PLD3: variants seen among roughly 807,000 people sequenced by gnomAD.
PLD3 encodes the protein 5'-3' exonuclease PLD3.
PLD3 carries 31 observed loss-of-function variants against 58.4 expected under a neutral mutation model. The ratio of observed to expected loss-of-function variants is 0.53; its 90% CI spans 0.40 to 0.72. The LOEUF (loss-of-function observed/expected upper bound fraction) is 0.72, where lower values mean the gene tolerates loss of function less well. Ranked by LOEUF, PLD3 falls within the 30% of genes least tolerant of loss-of-function variation. The pLI is 0.00. For synonymous variants in PLD3, 264 were observed against 273.4 expected, an observed-to-expected ratio of 0.97 and a Z score of 0.34; for missense variants, 595 against 659.8, an observed-to-expected ratio of 0.90 and a Z score of 1.08.
intron 1 of PLD3, among the ~76,000 whole-genome samples, chr19:40,349,455 C>T (rs2078429511): frequency 6.6e-6 from 1 of 152,128 alleles, no homozygotes; most frequent in South Asian, 2.1e-4. Flanking sequence ...CGGGGTACTG[C>T]AGCCCATTAC....
chr19:40,351,120 T>C (rs2078502832), intron 1 of PLD3, among the ~76,000 whole-genome samples: 1 of 151,778 alleles, frequency 6.6e-6, no homozygotes, highest in African/African-American at 2.4e-5. Context: ...TCCCAGCTAC[T>C]TGGGAGGCTG....
chr19:40,377,701 C>T (rs2079269361), intron 11 of PLD3, 85 bp from the exon 12 acceptor site: 3 of 940,492 alleles, frequency 3.2e-6, no homozygotes, highest in South Asian at 1.4e-5. Context: ...CCACAGATCT[C>T]GCTCCACACT....
intron 1 of PLD3, chr19:40,355,922 C>G (rs2078646665): frequency 6.6e-6 from 1 of 152,048 alleles, no homozygotes; most frequent in Non-Finnish European, 1.5e-5. Flanking sequence ...TTAGATTTCT[C>G]TAGTTCCAAT....
rs1342360931 is a variant in PLD3 at position 40,376,749 on chromosome 19, A to G, written c.1160A>G (p.Asn387Ser). ...CTCTCTCTGGCTGCCCTGCGTGACA[A>G]CCATACCCACTCTGACATCCAGGTG... ...FLLSLAALRDNHTHSDIQVKL... is the reference protein window; with the variant it reads ...FLLSLAALRDSHTHSDIQVKL... The change falls in exon 11 of 13, where the codon AAC (asparagine) becomes AGC (serine). Residue 387 changes from asparagine (N) to serine (S), a missense_variant. Physicochemically the swap from Asn to Ser is conservative, Grantham distance 46. Coordinates refer to ENST00000409735, the MANE Select transcript of PLD3 (RefSeq NM_012268.4). 5.0e-6 allele frequency: 8 copies of G among 1,600,366 alleles called. No homozygotes were observed. The highest frequency in any genetic ancestry group is 1.1e-5 in the South Asian group (1 of 91,068).
intron 1 of PLD3, chr19:40,356,089 T>TGGTA (rs1203371128): frequency 6.6e-6 from 1 of 150,682 alleles, no homozygotes. Context: ...ATGGAGGAGG[T>TGGTA]GGTATGTGAG....
At chr19:40,349,596 G>A (rs1288343004) in intron 1 of PLD3, among the ~76,000 whole-genome samples, 2 of 152,104 alleles carry the variant, frequency 1.3e-5, no homozygotes, top group Admixed American at 6.6e-5. Context: ...TGAGTGTGAC[G>A]ATTCTGTGAG....
chr19:40,365,014 C>T (rs1369502148), intron 1 of PLD3, among the ~76,000 whole-genome samples: 1 of 152,140 alleles, frequency 6.6e-6, no homozygotes, highest in South Asian at 2.1e-4. Context: ...GCAATCTTGA[C>T]CTACCCCAAA....
chr19:40,368,306 A>T (rs906255881), intron 6 of PLD3, among the ~76,000 whole-genome samples: 1 of 152,116 alleles, frequency 6.6e-6, no homozygotes, highest in Non-Finnish European at 1.5e-5. Context: ...AATTTATAGC[A>T]CCTGCTTCTT....
In PLD3 at chr19:40,378,254, C is replaced by A. The variant is rs781656714; in HGVS notation, c.*81C>A. The A allele has an allele frequency of 3.2e-6, 4 of 1,265,678 alleles. No homozygotes were observed. The highest frequency in any genetic ancestry group is 2.3e-5 in the East Asian group (1 of 43,368). 78.4% of individuals were successfully genotyped at this position (1,265,678 alleles called of 1,614,324 possible). On this transcript the variant is annotated 3_prime_UTR_variant, in exon 13 of 13. Transcript: ENST00000409735. ...CTGGGTCACGGTCCCTGTCCCCGCG[C>A]CCCCGCTTCTGTCTGCCCCATTGTG...
intron 1 of PLD3, among the ~76,000 whole-genome samples, chr19:40,351,631 C>T (rs542176915): frequency 1.7e-3 from 256 of 152,206 alleles, no homozygotes; most frequent in African/African-American, 5.9e-3. Context: ...AAAAGTCTTG[C>T]GGTAGGAGCA....
intron 9 of PLD3, 140 bp downstream of exon 9, chr19:40,372,013 G>A: frequency 1.4e-6 from 1 of 694,904 alleles, no homozygotes; most frequent in Admixed American, 2.4e-5. Context: ...GCTTGGTCAG[G>A]GGCCTGGAGT....
chr19:40,362,989 T>C (rs1436166838), intron 1 of PLD3, among the ~76,000 whole-genome samples: 1 of 152,088 alleles, frequency 6.6e-6, no homozygotes, highest in African/African-American at 2.4e-5. Flanking sequence ...AGTCTGGAAC[T>C]CCTGGGCTCA....
At position 40,378,190 on chromosome 19, in the gene PLD3, C is replaced by T. The variant is rs567204980; in HGVS notation, c.*17C>T. The T allele has an allele frequency of 8.1e-6, 13 of 1,598,490 alleles. No individual in the cohort carries two copies. Among genetic ancestry groups the T allele is most frequent in the Non-Finnish European group, 1.1e-5 (13 of 1,172,238 alleles). On this transcript the variant is annotated 3_prime_UTR_variant, in exon 13 of 13. Transcript: ENST00000409735. ...CTGCTCTGAGGCCCGATCCAGTGGG[C>T]AGGCCAAGGCCTGCTGGGCCCCCGC...
chr19:40,375,129 C>T (rs2079161978), intron 10 of PLD3, among the ~76,000 whole-genome samples: 2 of 151,668 alleles, frequency 1.3e-5, no homozygotes, highest in African/African-American at 4.8e-5. Context: ...GCTCTCCAGC[C>T]TGTGCGACAG....
Position 40,367,703 on chromosome 19 carries a change from C to CT in PLD3, c.254dup (p.Val86GlyfsTer6). ...GCATCCCCCACCCCCCAGAGCAGTGCTGGTGGAAAGCATTCCTGAGGGCCT... is the reference window on the plus strand; with the variant it reads ...GCATCCCCCACCCCCCAGAGCAGTGCTTGGTGGAAAGCATTCCTGAGGGCCT... On this transcript the variant is annotated frameshift_variant, in exon 6 of 13. Coordinates refer to ENST00000409735, the MANE Select transcript of PLD3 (RefSeq NM_012268.4). LOFTEE classifies it high-confidence loss of function. 1 of 1,609,314 alleles carries CT rather than the reference C, an allele frequency of 6.2e-7. No individual in the cohort carries two copies.
At chr19:40,367,547 C>A in intron 5 of PLD3, 149 bp from the exon 6 acceptor site, 1 of 632,174 alleles carries the variant, frequency 1.6e-6, no homozygotes, top group Non-Finnish European at 2.6e-6. Context: ...CGCCACTGCG[C>A]TTCCAGCCTG....
chr19:40,369,949 G>A lies in PLD3; in HGVS notation c.471G>A (p.Lys157=), dbSNP rs144087366. 343 of 1,562,368 alleles carry A rather than the reference G, an allele frequency of 2.2e-4. 4 individuals carry two copies. In the African/African-American group the frequency reaches 4.0e-3, roughly 18 times the overall value. Residue 157 remains lysine, a synonymous_variant, in exon 7 of 13, where the codon AAG becomes AAA. Transcript: ENST00000409735. Reference sequence around the variant, plus strand: ...GGCAGCTGCAGACCCTGGCACCAAAGGGCGTGAACGTCCGCATCGCTGTGA... The same window carrying A: ...GGCAGCTGCAGACCCTGGCACCAAAAGGCGTGAACGTCCGCATCGCTGTGA... ...VLRQLQTLAP[K]GVNVRIAVSK... is the part of the protein sequence containing the mutation.
chr19:40,373,285 G>C (rs998766190), intron 9 of PLD3, among the ~76,000 whole-genome samples: 8 of 152,134 alleles, frequency 5.3e-5, no homozygotes, highest in Admixed American at 1.3e-4. Context: ...GAGCATTAAG[G>C]AAGATGGGGG....
In PLD3 at chr19:40,376,656, G is replaced by A. The variant is rs772635342; in HGVS notation, c.1067G>A (p.Arg356His). The A allele has an allele frequency of 4.4e-5, 71 of 1,607,296 alleles. No individual in the cohort carries two copies. Among genetic ancestry groups the A allele is most frequent in the South Asian group, 2.0e-4 (18 of 91,088 alleles). ...DDGLRRATYE[R>H]GVKVRLLISC... is the part of the protein sequence containing the mutation. ...GGGCTGCGGCGGGCCACCTACGAGCGTGGCGTCAAGGTGCGCCTGCTCATC... is the reference window on the plus strand; with the variant it reads ...GGGCTGCGGCGGGCCACCTACGAGCATGGCGTCAAGGTGCGCCTGCTCATC... The change falls in exon 11 of 13, where the codon CGT becomes CAT. Residue 356 changes from arginine (R) to histidine (H), a missense_variant. By Grantham distance (29) the Arg-to-His change is conservative. Coordinates refer to ENST00000409735, the MANE Select transcript of PLD3 (RefSeq NM_012268.4).
Sources: gnomAD v4.1 joint callset for allele counts (sites outside exome capture counted in the v4.1 genomes callset) on GRCh38, gnomAD v4.1.1 for gene constraint, MANE v1.5 for transcripts, NCBI Gene and HGNC (gene_info 2026-07-23, HGNC 2026-07-21) for gene names.